SOCS6: variants seen among roughly 807,000 people sequenced by gnomAD.
SOCS6 encodes STAT induced STAT inhibitor-4.
SOCS6 carries 5 observed loss-of-function variants against 27.7 expected under a neutral mutation model. That is an observed-to-expected ratio of 0.18 (90% CI 0.09 to 0.38). SOCS6 has a LOEUF of 0.38. Ranked by LOEUF, SOCS6 falls within the 10% of genes least tolerant of loss-of-function variation. The pLI is 1.00. For synonymous variants in SOCS6, 271 were observed against 260.0 expected (o/e 1.04, Z -0.41); for missense variants, 595 against 688.1 (o/e 0.86, Z 1.51).
In SOCS6 at chr18:70,303,874, T is replaced by C. The variant is rs150044542; in HGVS notation, c.-127+14784T>C. On this transcript the variant is annotated intron_variant, in intron 1 of 1. Transcript: ENST00000397942. ...AGAAAAATCTTTGCTGATTTGACTT[T>C]TGGAAAATCATAGTGTTAATAGTTT... 9.2e-5 allele frequency among the ~76,000 whole-genome samples: 14 copies of C among 152,328 alleles called. No individual in the cohort carries two copies. In the East Asian group the frequency reaches 2.5e-3, roughly 27 times the overall value.
chr18:70,325,024 A>G lies in SOCS6; in HGVS notation c.356A>G (p.Gln119Arg), dbSNP rs1361552701. Reference protein sequence around the residue: ...APIVFKDVRAQRPIRSTSLRS... With the variant: ...APIVFKDVRARRPIRSTSLRS... ...ATAGTCTTTAAAGACGTGAGAGCTC[A>G]GAGGCCGATAAGGTCCACGTCGCTC... The change falls in exon 2 of 2, where the codon CAG (glutamine) becomes CGG (arginine). Residue 119 changes from glutamine (Q) to arginine (R), a missense_variant. Gln to Arg is a conservative substitution (Grantham distance 43). This residue lies in a region of SOCS6 where 467 missense variants were observed against 481.1 expected (regional missense o/e 0.97). Coordinates refer to ENST00000397942, the MANE Select transcript of SOCS6 (RefSeq NM_004232.4). This position sits in a 1 kb window ranked among gnomAD's most constrained non-coding sequence, Gnocchi z 6.3. 6.2e-7 allele frequency: 1 copy of G among 1,614,052 alleles called. No homozygotes were observed. Among genetic ancestry groups the G allele is most frequent in the African/African-American group, 1.3e-5 (1 of 74,932 alleles).
intron 1 of SOCS6, among the ~76,000 whole-genome samples, chr18:70,292,994 C>T (rs1054359778): frequency 1.3e-5 from 2 of 152,044 alleles, no homozygotes; most frequent in African/African-American, 2.4e-5. Flanking sequence ...CCTTCATAAC[C>T]TCTATTATTG....
intron 1 of SOCS6, among the ~76,000 whole-genome samples, chr18:70,313,631 T>C (rs956270226): frequency 1.3e-5 from 2 of 152,202 alleles, no homozygotes; most frequent in Non-Finnish European, 2.9e-5. Context: ...TCATTGATAG[T>C]TCACCTATCC....
intron 1 of SOCS6, among the ~76,000 whole-genome samples, chr18:70,293,784 A>G (rs1218438532): frequency 6.6e-6 from 1 of 152,086 alleles, no homozygotes; most frequent in African/African-American, 2.4e-5. Flanking sequence ...TGTTTCTCTC[A>G]GAGCTGGTGT....
At chr18:70,304,968 A>G (rs1365051435) in intron 1 of SOCS6, among the ~76,000 whole-genome samples, 1 of 152,142 alleles carries the variant, frequency 6.6e-6, no homozygotes, top group East Asian at 1.9e-4. Flanking sequence ...GCACTTTGGG[A>G]TGCCGAGGTG....
chr18:70,297,545 T>C (rs973900740), intron 1 of SOCS6, among the ~76,000 whole-genome samples: 2 of 152,230 alleles, frequency 1.3e-5, no homozygotes, highest in African/African-American at 2.4e-5. Flanking sequence ...TGATCTGTAG[T>C]GGGTGGTAAC....
rs1452531850 is a variant in SOCS6, at chr18:70,296,926, A to G, written c.-127+7836A>G. Among the ~76,000 whole-genome samples the G allele has an allele frequency of 4.7e-5, 4 of 84,504 alleles. No individual in the cohort carries two copies. The East Asian group carries it at 3.7e-3, about 78-fold the overall frequency. 55.4% of individuals were successfully genotyped at this position (84,504 alleles called of 152,430 possible). A position where few individuals can be genotyped will look rare whatever the true frequency, so the allele number is the denominator to read the frequency against. ...TCTTTCTTTTTTTTTTTTCTGTCTT[A>G]AGCTCTTCTTCATTGGACATAGGAA... On this transcript the variant is annotated intron_variant, in intron 1 of 1. Coordinates refer to ENST00000397942, the MANE Select transcript of SOCS6 (RefSeq NM_004232.4).
intron 1 of SOCS6, among the ~76,000 whole-genome samples, chr18:70,298,296 C>T (rs1328492210): frequency 1.3e-5 from 2 of 152,012 alleles, no homozygotes; most frequent in East Asian, 1.9e-4. Context: ...TGAGGTCATT[C>T]TTTTTCATAG....
intron 1 of SOCS6, chr18:70,296,727 G>C (rs2062324436): frequency 6.6e-6 from 1 of 152,122 alleles, no homozygotes; most frequent in Non-Finnish European, 1.5e-5. Context: ...GGGGACTTTT[G>C]TGTTATTGCC....
chr18:70,327,578 A>T lies in SOCS6; in HGVS notation c.*1302A>T, dbSNP rs988692842. 6.0e-6 allele frequency: 1 copy of T among 166,940 alleles called. No homozygotes were observed. The highest frequency in any genetic ancestry group is 1.5e-5 in the Non-Finnish European group (1 of 68,102). 10.3% of individuals were successfully genotyped at this position (166,940 alleles called of 1,614,324 possible). On this transcript the variant is annotated 3_prime_UTR_variant, in exon 2 of 2. Transcript: ENST00000397942. The stretch of plus-strand genomic sequence containing the variant: ...AAGTCTTAAGTAATTTGCCGTTGCT[A>T]ATAATTTTATCTCCTTGAGTCGGTT...
chr18:70,293,622 A>G (rs893363067), intron 1 of SOCS6, among the ~76,000 whole-genome samples: 1 of 152,206 alleles, frequency 6.6e-6, no homozygotes, highest in African/African-American at 2.4e-5. Context: ...GAAAAGCCAG[A>G]GACTTAGAAG....
At chr18:70,315,214 T>C (rs2062406924) in intron 1 of SOCS6, among the ~76,000 whole-genome samples, 1 of 152,192 alleles carries the variant, frequency 6.6e-6, no homozygotes, top group African/African-American at 2.4e-5. Context: ...ACCTCAACAA[T>C]AAATTTGGGA....
rs1911252196 is a variant in SOCS6, at chr18:70,327,443, G to A, written c.*1167G>A. ...GTTTAAAAATTGTGGAAATTGTGGA[G>A]CAATTTTTCTCACAATGTGAGAAAA... On this transcript the variant is annotated 3_prime_UTR_variant, in exon 2 of 2. Coordinates refer to ENST00000397942, the MANE Select transcript of SOCS6 (RefSeq NM_004232.4). 1.2e-5 allele frequency: 2 copies of A among 166,520 alleles called. No homozygotes were observed. Among genetic ancestry groups the A allele is most frequent in the African/African-American group, 4.8e-5 (2 of 41,354 alleles). The allele number at this position is 166,520 out of a possible 1,614,324, so 10.3% of individuals were successfully genotyped here. A position where few individuals can be genotyped will look rare whatever the true frequency, so the allele number is the denominator to read the frequency against.
At chr18:70,323,488 A>G (rs1284527142) in intron 1 of SOCS6, among the ~76,000 whole-genome samples, 2 of 152,238 alleles carry the variant, frequency 1.3e-5, no homozygotes, top group Non-Finnish European at 2.9e-5. Context: ...GAAATTGCAA[A>G]AAAAGAAGAG....
chr18:70,301,155 A>G (rs939234827), intron 1 of SOCS6, among the ~76,000 whole-genome samples: 16 of 151,972 alleles, frequency 1.1e-4, no homozygotes, highest in African/African-American at 3.4e-4. Flanking sequence ...AAGACATAAG[A>G]CTCTTGGGTT....
intron 1 of SOCS6, among the ~76,000 whole-genome samples, chr18:70,308,522 A>G (rs980436587): frequency 6.6e-6 from 1 of 152,078 alleles, no homozygotes; most frequent in Non-Finnish European, 1.5e-5. Context: ...ACACCTGGCT[A>G]TTGAGGCTTG....
At chr18:70,303,170 A>G (rs1398352785) in intron 1 of SOCS6, among the ~76,000 whole-genome samples, 1 of 152,162 alleles carries the variant, frequency 6.6e-6, no homozygotes, top group Admixed American at 6.5e-5. Flanking sequence ...ATTGAACCAC[A>G]TACATATAAT....
intron 1 of SOCS6, among the ~76,000 whole-genome samples, chr18:70,314,931 G>A (rs139362662): frequency 0.016 from 2,476 of 151,810 alleles, 35 homozygotes; most frequent in Non-Finnish European, 0.025. Context: ...AGGAATTGAT[G>A]TTTAGTATTT....
chr18:70,320,846 G>A (rs186229835), intron 1 of SOCS6, among the ~76,000 whole-genome samples: 23 of 152,298 alleles, frequency 1.5e-4, no homozygotes, highest in Non-Finnish European at 2.5e-4. Flanking sequence ...AGATATGAGA[G>A]TCTAGCTGTC....
Sources: allele counts gnomAD v4.1 joint callset (sites outside exome capture counted in the v4.1 genomes callset), GRCh38; gene constraint gnomAD v4.1.1; regional missense constraint gnomAD v4.1.1; non-coding constraint Gnocchi (gnomAD v3.1); transcripts MANE v1.5; gene names NCBI Gene and HGNC (gene_info 2026-07-23, HGNC 2026-07-21).